Variants in NDUFAF6 observed in about 807,000 individuals in gnomAD.
NDUFAF6 encodes the protein NADH dehydrogenase (ubiquinone) complex I, assembly factor 6.
A neutral mutation model predicts 40.8 loss-of-function variants in NDUFAF6; 45 were observed. The observed-to-expected ratio is 1.10, with a 90% CI of 0.87 to 1.42. The LOEUF is 1.42. Ranked by LOEUF, NDUFAF6 falls within the 40% of genes most tolerant of loss-of-function variation. The probability of loss-of-function intolerance (pLI) is 0.00; values close to 1 mark genes in which losing one functional copy is unlikely to be tolerated. For synonymous variants in NDUFAF6, 185 were observed against 155.9 expected (o/e 1.19, Z -1.39); for missense variants, 435 against 418.5 (o/e 1.04, Z -0.34).
chr8:95,097,468 C>T (rs181666104), upstream of NDUFAF6, among the ~76,000 whole-genome samples: 4 of 152,056 alleles, frequency 2.6e-5, no homozygotes, highest in Non-Finnish European at 4.4e-5. Context: ...GAGACTGAGG[C>T]GGGTGGATCA....
intron 2 of NDUFAF6, chr8:94,989,001 AG>A (rs1342743718): frequency 1.3e-5 from 2 of 152,256 alleles, no homozygotes; most frequent in African/African-American, 4.8e-5. Context: ...GACATAAAGT[AG>A]GTTAGCTAAT....
chr8:95,087,080 T>A (rs925515979), intron 2 of NDUFAF6, among the ~76,000 whole-genome samples: 54 of 135,022 alleles, frequency 4.0e-4, no homozygotes, highest in Non-Finnish European at 6.6e-4. Flanking sequence ...CCTTTTTTTT[T>A]AAAAAATTCT....
intron 1 of NDUFAF6, among the ~76,000 whole-genome samples, chr8:94,973,552 C>CA (rs1378878486): frequency 6.6e-6 from 1 of 151,970 alleles, no homozygotes; most frequent in Non-Finnish European, 1.5e-5. Context: ...ACTAAACATA[C>CA]AAAAAATTAG....
At chr8:95,035,302 G>A (rs1291080321) in intron 2 of NDUFAF6, 152 bp from the exon 3 acceptor site, 11 of 637,254 alleles carry the variant, frequency 1.7e-5, no homozygotes, top group Non-Finnish European at 2.4e-5. Context: ...TCTCTTTGTT[G>A]TGTTCTATAG....
intron 2 of NDUFAF6, among the ~76,000 whole-genome samples, chr8:94,984,609 A>G (rs542504132): frequency 5.9e-5 from 9 of 152,214 alleles, no homozygotes; most frequent in Non-Finnish European, 1.2e-4. Flanking sequence ...CCCTTATGCT[A>G]CAGGAGACCA....
chr8:94,933,835 G>GGT (rs796460969), intron 1 of NDUFAF6, among the ~76,000 whole-genome samples: 2 of 14,274 alleles, frequency 1.4e-4, no homozygotes, highest in Non-Finnish European at 5.0e-4. Context: ...AGCACTTTGT[G>GGT]GGGGGGGGGG....
chr8:95,059,469 CTTAG>C (rs1212607906), downstream of NDUFAF6, among the ~76,000 whole-genome samples: 2 of 152,164 alleles, frequency 1.3e-5, no homozygotes, highest in South Asian at 2.1e-4. Context: ...CTAGTAGACT[CTTAG>C]TTGGTACTGA....
chr8:94,976,372 C>T (rs1190752321), intron 1 of NDUFAF6, among the ~76,000 whole-genome samples: 2 of 149,480 alleles, frequency 1.3e-5, no homozygotes, highest in Non-Finnish European at 3.0e-5. Context: ...GGTGTGGTGG[C>T]GCATCCCTGT....
intron 4 of NDUFAF6, among the ~76,000 whole-genome samples, chr8:95,108,652 T>A (rs1238123200): frequency 1.3e-5 from 2 of 152,264 alleles, no homozygotes; most frequent in South Asian, 2.1e-4. Context: ...TTGCACACAG[T>A]GTGAATGTAC....
chr8:94,950,864 T>C (rs1414853703), intron 2 of NDUFAF6: 3 of 152,212 alleles, frequency 2.0e-5, no homozygotes, highest in Non-Finnish European at 4.4e-5. Context: ...CCTACCTTTT[T>C]CCAGTTTGAT....
At chr8:95,083,431 C>T (rs1326192199) in intron 2 of NDUFAF6, among the ~76,000 whole-genome samples, 1 of 152,140 alleles carries the variant, frequency 6.6e-6, no homozygotes, top group Non-Finnish European at 1.5e-5. Context: ...TTTAATACTT[C>T]CTAAGACTTT....
chr8:95,092,428 C>T (rs746713498), intron 2 of NDUFAF6, among the ~76,000 whole-genome samples: 8 of 152,078 alleles, frequency 5.3e-5, no homozygotes, highest in African/African-American at 7.2e-5. Context: ...GTGAGCCACC[C>T]GCCTCAGCCT....
At chr8:95,101,336 A>T (rs1301173424) in intron 2 of NDUFAF6, 1 of 152,180 alleles carries the variant, frequency 6.6e-6, no homozygotes, top group Non-Finnish European at 1.5e-5. Flanking sequence ...AGAATCTTAG[A>T]TTTGGAAGGG....
At chr8:94,934,125 A>C (rs1820730903) in intron 1 of NDUFAF6, among the ~76,000 whole-genome samples, 1 of 140,796 alleles carries the variant, frequency 7.1e-6, no homozygotes, top group Non-Finnish European at 1.5e-5. Context: ...TTAGGTTAAA[A>C]GTTTATGTGT....
chr8:95,106,328 G>A (rs541139176), downstream of NDUFAF6, among the ~76,000 whole-genome samples: 14 of 150,856 alleles, frequency 9.3e-5, no homozygotes, highest in African/African-American at 2.2e-4. Flanking sequence ...AAATAATACC[G>A]CACATCTACA....
At chr8:95,063,168 G>A (rs978897149), downstream of NDUFAF6, among the ~76,000 whole-genome samples, 2 of 152,182 alleles carry the variant, frequency 1.3e-5, no homozygotes, top group East Asian at 3.8e-4. Flanking sequence ...CATGTATTTT[G>A]TGTATATCCT....
intron 1 of NDUFAF6, among the ~76,000 whole-genome samples, chr8:94,967,633 C>T (rs1824112602): frequency 6.6e-6 from 1 of 151,914 alleles, no homozygotes; most frequent in Non-Finnish European, 1.5e-5. Context: ...TCTCATAAGG[C>T]TGCTATCAAA....
chr8:95,004,801 A>G (rs947966616), intron 2 of NDUFAF6, among the ~76,000 whole-genome samples: 6 of 152,214 alleles, frequency 3.9e-5, no homozygotes, highest in African/African-American at 1.4e-4. Flanking sequence ...AGTGAACCCT[A>G]CAAGATTTAG....
intron 2 of NDUFAF6, among the ~76,000 whole-genome samples, chr8:94,982,290 A>G (rs1825512334): frequency 6.6e-6 from 1 of 152,152 alleles, no homozygotes; most frequent in Non-Finnish European, 1.5e-5. Context: ...CACAAATACT[A>G]TTGTGTCACA....
Sources: gnomAD v4.1 joint callset for allele counts (sites outside exome capture counted in the v4.1 genomes callset) on GRCh38, gnomAD v4.1.1 for gene constraint, MANE v1.5 for transcripts, NCBI Gene and HGNC (gene_info 2026-07-23, HGNC 2026-07-21) for gene names.